The following GPHN variants were observed in gnomAD, a reference collection of about 807,000 sequenced individuals.
The protein encoded by GPHN is gephyrin.
Under a neutral mutation model 95.5 loss-of-function variants are expected in GPHN, and 17 were observed. That is an observed-to-expected ratio of 0.18 (90% CI 0.12 to 0.27). The LOEUF (loss-of-function observed/expected upper bound fraction) is 0.27, where lower values mean the gene tolerates loss of function less well. Among genes scored for constraint, GPHN ranks in the 10% least tolerant of loss-of-function variants. The pLI is 1.00. For synonymous variants in GPHN, 320 were observed against 322.5 expected (o/e 0.99, Z 0.08); for missense variants, 660 against 978.1 (o/e 0.67, Z 4.34).
the GPHN span, among the ~76,000 whole-genome samples, chr14:67,662,038 C>T: frequency 1.3e-5 from 2 of 152,042 alleles, no homozygotes; most frequent in Non-Finnish European, 2.9e-5. Context: ...CACCTGTATT[C>T]CCAGCTACTT....
intron 1 of GPHN, among the ~76,000 whole-genome samples, chr14:66,520,103 T>G (rs1289908774): frequency 6.6e-6 from 1 of 152,184 alleles, no homozygotes; most frequent in Non-Finnish European, 1.5e-5. Flanking sequence ...TAGGTTATGC[T>G]ATATTTAATT....
chr14:67,579,424 G>A, the GPHN span: 1 of 874,806 alleles, frequency 1.1e-6, no homozygotes, highest in Non-Finnish European at 1.7e-6. Context: ...CCCAGAAGTA[G>A]ATATTATGAA....
chr14:67,201,483 G>A, the GPHN span: 1 of 456,058 alleles, frequency 2.2e-6, no homozygotes. Context: ...GCTGCCAGCA[G>A]TAGAAGATAT....
At chr14:66,868,211 A>G (rs1227944986) in intron 4 of GPHN, among the ~76,000 whole-genome samples, 2 of 152,168 alleles carry the variant, frequency 1.3e-5, no homozygotes, top group Non-Finnish European at 2.9e-5. Context: ...ATTGTTAAGG[A>G]GGAAATTTTA....
At chr14:67,675,824 A>G in the GPHN span, among the ~76,000 whole-genome samples, 8 of 152,226 alleles carry the variant, frequency 5.3e-5, no homozygotes, top group African/African-American at 1.4e-4. Context: ...CACGTCGGGC[A>G]TGGTGGCTCA....
chr14:67,037,369 T>A (rs968234043), intron 10 of GPHN, among the ~76,000 whole-genome samples: 8 of 151,918 alleles, frequency 5.3e-5, no homozygotes, highest in Non-Finnish European at 1.0e-4. Flanking sequence ...GCAGAAAAAC[T>A]TTATGACATT....
intron 10 of GPHN, among the ~76,000 whole-genome samples, chr14:67,044,068 A>G (rs1358913155): frequency 6.6e-5 from 10 of 152,092 alleles, no homozygotes; most frequent in Non-Finnish European, 1.5e-4. Context: ...ATTAGTGGTG[A>G]TATCCCCCAT....
the GPHN span, chr14:67,360,206 GT>G: frequency 2.5e-6 from 1 of 402,238 alleles, no homozygotes; most frequent in African/African-American, 2.1e-5. Context: ...GCGAGAAACA[GT>G]ACTTTTCAGG....
the GPHN span, among the ~76,000 whole-genome samples, chr14:67,594,497 A>G: frequency 6.6e-6 from 1 of 151,994 alleles, no homozygotes; most frequent in Non-Finnish European, 1.5e-5. Context: ...AAATACAAAA[A>G]GTAGCTGGGC....
chr14:67,337,040 T>C, the GPHN span, among the ~76,000 whole-genome samples: 1 of 152,230 alleles, frequency 6.6e-6, no homozygotes, highest in Non-Finnish European at 1.5e-5. Context: ...CTACTCAAGT[T>C]TCCTGTGTCT....
intron 9 of GPHN, among the ~76,000 whole-genome samples, chr14:66,972,642 T>G (rs930001668): frequency 6.6e-6 from 1 of 151,680 alleles, no homozygotes; most frequent in Non-Finnish European, 1.5e-5. Flanking sequence ...AGGGCCAAGT[T>G]TTAATTAATT....
chr14:66,558,072 C>G (rs1404328470), intron 1 of GPHN, among the ~76,000 whole-genome samples: 2 of 152,048 alleles, frequency 1.3e-5, no homozygotes, highest in Non-Finnish European at 2.9e-5. Context: ...AAAACCTTCT[C>G]AATGAAAATA....
intron 1 of GPHN, among the ~76,000 whole-genome samples, chr14:66,649,193 G>A (rs1361074621): frequency 6.6e-6 from 1 of 152,120 alleles, no homozygotes; most frequent in Non-Finnish European, 1.5e-5. Context: ...AATTAGCAGG[G>A]CGTGGTGGCG....
chr14:67,030,106 T>C (rs1567231106), intron 10 of GPHN, among the ~76,000 whole-genome samples: 1 of 152,082 alleles, frequency 6.6e-6, no homozygotes, highest in Non-Finnish European at 1.5e-5. Flanking sequence ...AACAAGTCTT[T>C]CAAGTAAACC....
At chr14:67,251,874 C>CTTCAA in the GPHN span, among the ~76,000 whole-genome samples, 1 of 152,200 alleles carries the variant, frequency 6.6e-6, no homozygotes, top group African/African-American at 2.4e-5. Flanking sequence ...GGGGCCCCAC[C>CTTCAA]TTCAACCTCT....
At chr14:66,619,247 A>C (rs1001993165) in intron 1 of GPHN, among the ~76,000 whole-genome samples, 2 of 152,160 alleles carry the variant, frequency 1.3e-5, no homozygotes, top group Non-Finnish European at 2.9e-5. Context: ...AATACCTGTG[A>C]ATGAAATGGC....
the GPHN span, among the ~76,000 whole-genome samples, chr14:67,296,226 A>G: frequency 2.0e-5 from 3 of 152,164 alleles, no homozygotes; most frequent in Admixed American, 6.5e-5. Context: ...TCCATGCTCA[A>G]AGGGTACAGA....
chr14:67,536,765 G>A, the GPHN span, among the ~76,000 whole-genome samples: 5 of 151,844 alleles, frequency 3.3e-5, no homozygotes, highest in African/African-American at 4.9e-5. Context: ...TCTTGGGGTC[G>A]GGAGTGGTGG....
chr14:67,729,189 A>C, the GPHN span: 1 of 1,612,852 alleles, frequency 6.2e-7, no homozygotes. Flanking sequence ...TCTTTGTCCC[A>C]GGCACCGGGG....
Sources: allele counts gnomAD v4.1 joint callset (sites outside exome capture counted in the v4.1 genomes callset), GRCh38; gene constraint gnomAD v4.1.1; transcripts MANE v1.5; gene names NCBI Gene and HGNC (gene_info 2026-07-23, HGNC 2026-07-21).